The following WDPCP variants were observed in gnomAD, a reference collection of about 807,000 sequenced individuals.
The protein encoded by WDPCP is WD repeat containing planar cell polarity effector.
WDPCP carries 71 observed loss-of-function variants against 93.1 expected under a neutral mutation model. The observed-to-expected ratio is 0.76, with a 90% CI of 0.63 to 0.93. The LOEUF is 0.93. Ranked by LOEUF, WDPCP falls within the 40% of genes least tolerant of loss-of-function variation. The probability of loss-of-function intolerance (pLI) is 0.00; values close to 1 mark genes in which losing one functional copy is unlikely to be tolerated. For synonymous variants in WDPCP, 315 were observed against 315.0 expected, an observed-to-expected ratio of 1.00 and a Z score of 0.00; for missense variants, 844 against 887.4, an observed-to-expected ratio of 0.95 and a Z score of 0.62.
At chr2:63,345,579 T>C (rs1245569794) in intron 12 of WDPCP, among the ~76,000 whole-genome samples, 1 of 152,168 alleles carries the variant, frequency 6.6e-6, no homozygotes, top group Non-Finnish European at 1.5e-5. Context: ...TCTTATCTTC[T>C]TAATTTGAAG....
At chr2:63,304,572 A>T (rs923812260) in intron 13 of WDPCP, among the ~76,000 whole-genome samples, 3 of 152,186 alleles carry the variant, frequency 2.0e-5, no homozygotes, top group Non-Finnish European at 4.4e-5. Flanking sequence ...AGGCCCAGAT[A>T]CTACACTTTT....
At chr2:63,674,231 C>CT (rs531088754) in intron 2 of WDPCP, among the ~76,000 whole-genome samples, 1,801 of 151,886 alleles carry the variant, frequency 0.012, 15 homozygotes, top group Non-Finnish European at 0.014. Context: ...CAGGTTAAAA[C>CT]TTTTTTTTTG....
chr2:63,546,715 CTTAT>C (rs1705177386), intron 1 of WDPCP, among the ~76,000 whole-genome samples: 1 of 152,044 alleles, frequency 6.6e-6, no homozygotes, highest in Admixed American at 6.6e-5. Flanking sequence ...AGCCCAAAGC[CTTAT>C]TTAATTTTTC....
At chr2:63,306,294 C>T (rs1045339667) in intron 13 of WDPCP, among the ~76,000 whole-genome samples, 4 of 152,144 alleles carry the variant, frequency 2.6e-5, no homozygotes, top group Non-Finnish European at 5.9e-5. Flanking sequence ...GATTCACAGC[C>T]GAATTCTACC....
chr2:63,141,429 T>C (rs2103698790), intron 17 of WDPCP, among the ~76,000 whole-genome samples: 1 of 152,360 alleles, frequency 6.6e-6, no homozygotes, highest in African/African-American at 2.4e-5. Context: ...TTGGCTTGCA[T>C]ATGTTAAACC....
In WDPCP at chr2:63,575,079, T is replaced by C. The variant is rs78008752; in HGVS notation, c.75+13118A>G. 2.6e-5 allele frequency among the ~76,000 whole-genome samples: 4 copies of C among 152,028 alleles called. No individual in the cohort carries two copies. In the East Asian group the frequency reaches 7.8e-4, roughly 30 times the overall value. On this transcript the variant is annotated intron_variant, in intron 1 of 17. Coordinates refer to ENST00000272321, the MANE Select transcript of WDPCP (RefSeq NM_015910.7). ...AGAGGGTTAAAATAGAAAGACAACA[T>C]ACATATCTGTCATCAGTAATTCTGT...
In WDPCP at chr2:63,341,082, A is replaced by G. The variant is rs576745952; in HGVS notation, c.1749-27771T>C. Among the ~76,000 whole-genome samples the G allele has an allele frequency of 2.6e-5, 4 of 152,112 alleles. No homozygotes were observed. In the South Asian group the frequency reaches 8.3e-4, roughly 32 times the overall value. On this transcript the variant is annotated intron_variant, in intron 12 of 17. Transcript: ENST00000272321. ...CTTCATTAATTTCTAGGTTCATTCT[A>G]CTCTGACAGAAACTGTTTTGTATGA...
chr2:63,231,435 C>A (rs1351894207), intron 14 of WDPCP, among the ~76,000 whole-genome samples: 1 of 152,278 alleles, frequency 6.6e-6, no homozygotes, highest in African/African-American at 2.4e-5. Context: ...AAAACCCCAT[C>A]ATCTCAGCCC....
intron 2 of WDPCP, among the ~76,000 whole-genome samples, chr2:63,719,992 T>C (rs986355949): frequency 3.3e-5 from 5 of 152,172 alleles, no homozygotes; most frequent in South Asian, 2.1e-4. Context: ...CTATGAATAG[T>C]GGTTGCCTCT....
At chr2:63,292,744 G>A (rs1684540951) in intron 13 of WDPCP, among the ~76,000 whole-genome samples, 1 of 152,226 alleles carries the variant, frequency 6.6e-6, no homozygotes, top group African/African-American at 2.4e-5. Flanking sequence ...AGATGACAGA[G>A]TAGAAAGCAC....
At chr2:63,188,618 G>A (rs1348988333) in intron 14 of WDPCP, among the ~76,000 whole-genome samples, 1 of 151,846 alleles carries the variant, frequency 6.6e-6, no homozygotes, top group African/African-American at 2.4e-5. Context: ...AGAGGCTTGA[G>A]CCATCATGCC....
At chr2:63,692,774 CAGAT>C (rs1312689534) in intron 2 of WDPCP, among the ~76,000 whole-genome samples, 1 of 152,108 alleles carries the variant, frequency 6.6e-6, no homozygotes, top group East Asian at 1.9e-4. Flanking sequence ...ATATCTCAAA[CAGAT>C]ATACTGATTT....
chr2:63,128,736 T>G (rs186866765), intron 17 of WDPCP, among the ~76,000 whole-genome samples: 9 of 152,370 alleles, frequency 5.9e-5, no homozygotes, highest in Admixed American at 4.6e-4. Flanking sequence ...TGGCGCAATC[T>G]TGACTCACCA....
chr2:63,247,072 T>C (rs1680336052), intron 14 of WDPCP, among the ~76,000 whole-genome samples: 1 of 152,178 alleles, frequency 6.6e-6, no homozygotes, highest in Non-Finnish European at 1.5e-5. Context: ...AAAACCTTTG[T>C]TAATGAGGCA....
At chr2:63,676,018 C>CT (rs1710399949) in intron 2 of WDPCP, among the ~76,000 whole-genome samples, 1 of 152,116 alleles carries the variant, frequency 6.6e-6, no homozygotes, top group African/African-American at 2.4e-5. Context: ...TAGGACTAAT[C>CT]TTTTTTACTT....
chr2:63,324,059 C>T (rs1687334316), intron 12 of WDPCP, among the ~76,000 whole-genome samples: 1 of 152,060 alleles, frequency 6.6e-6, no homozygotes, highest in Non-Finnish European at 1.5e-5. Flanking sequence ...AGAGGTGGCT[C>T]ATTTTTTTCT....
intron 11 of WDPCP, among the ~76,000 whole-genome samples, chr2:63,379,079 A>C (rs1692088664): frequency 6.6e-6 from 1 of 151,886 alleles, no homozygotes; most frequent in South Asian, 2.1e-4. Flanking sequence ...GAAAACTAAG[A>C]CCTCTGGGAG....
At chr2:63,333,763 C>A (rs1269454136) in intron 12 of WDPCP, among the ~76,000 whole-genome samples, 2 of 152,162 alleles carry the variant, frequency 1.3e-5, no homozygotes, top group Non-Finnish European at 2.9e-5. Context: ...GCACTCTGAC[C>A]ACTTTGGGCA....
At chr2:63,421,759 T>C (rs1303637194) in intron 9 of WDPCP, among the ~76,000 whole-genome samples, 4 of 152,070 alleles carry the variant, frequency 2.6e-5, no homozygotes, top group African/African-American at 7.2e-5. Flanking sequence ...TACAGACAAC[T>C]AGATGAAGAT....
Sources: allele counts gnomAD v4.1 joint callset (sites outside exome capture counted in the v4.1 genomes callset), GRCh38; gene constraint gnomAD v4.1.1; transcripts MANE v1.5; gene names NCBI Gene and HGNC (gene_info 2026-07-23, HGNC 2026-07-21).